Variants in ANO3 observed in about 807,000 individuals in gnomAD.
The protein encoded by ANO3 is anoctamin-3.
Under a neutral mutation model 144.8 loss-of-function variants are expected in ANO3, and 99 were observed. That is an observed-to-expected ratio of 0.68 (90% CI 0.58 to 0.81). The LOEUF (loss-of-function observed/expected upper bound fraction) is 0.81. ANO3 is among the 30% of genes least tolerant of loss of function. The probability of loss-of-function intolerance (pLI) is 0.00; values close to 1 mark genes in which losing one functional copy is unlikely to be tolerated. For synonymous variants in ANO3, 414 were observed against 392.6 expected, an observed-to-expected ratio of 1.05 and a Z score of -0.64; for missense variants, 905 against 1,202.2, an observed-to-expected ratio of 0.75 and a Z score of 3.66.
chr11:26,620,357 C>T lies in ANO3; in HGVS notation c.1837-4105C>T, dbSNP rs185376113. Among the ~76,000 whole-genome samples, 577 of 152,100 alleles carry T rather than the reference C, an allele frequency of 3.8e-3. 11 individuals are homozygous for T. Among genetic ancestry groups the T allele is most frequent in the Admixed American group, 6.6e-3 (101 of 15,288 alleles). ...TAAGAAATATATAGAAACATCAGAA[C>T]AGAAGTACTCTTAGAGTTTGAAAAA... is the stretch of plus-strand genomic sequence containing the variant. On this transcript the variant is annotated intron_variant, in intron 17 of 26. Transcript: ENST00000256737.
At chr11:26,622,869 G>C (rs1210791502) in intron 17 of ANO3, among the ~76,000 whole-genome samples, 1 of 152,206 alleles carries the variant, frequency 6.6e-6, no homozygotes, top group African/African-American at 2.4e-5. Flanking sequence ...TATTGAACTA[G>C]AACTAACTTT....
chr11:26,345,010 C>T (rs1340128572), intron 1 of ANO3, among the ~76,000 whole-genome samples: 1 of 152,032 alleles, frequency 6.6e-6, no homozygotes, highest in Admixed American at 6.6e-5. Context: ...AATACATAGA[C>T]AAGGATATTC....
chr11:26,208,376 G>C (rs899484542), intron 1 of ANO3: 5 of 152,352 alleles, frequency 3.3e-5, no homozygotes, highest in African/African-American at 1.2e-4. Context: ...AGCCGGGCGT[G>C]GTGGCAGGCG....
intron 1 of ANO3, among the ~76,000 whole-genome samples, chr11:26,236,590 G>T (rs1034929273): frequency 2.0e-5 from 3 of 152,108 alleles, no homozygotes; most frequent in Non-Finnish European, 2.9e-5. Flanking sequence ...AGGCCAAGGT[G>T]GGCGGATCAC....
chr11:26,492,133 G>C (rs544361639), intron 4 of ANO3, among the ~76,000 whole-genome samples: 5 of 152,304 alleles, frequency 3.3e-5, no homozygotes, highest in African/African-American at 1.2e-4. Context: ...TAGTTATCTA[G>C]AATTAAAATA....
intron 1 of ANO3, among the ~76,000 whole-genome samples, chr11:26,217,674 A>C (rs1371876060): frequency 6.6e-6 from 1 of 152,094 alleles, no homozygotes; most frequent in Non-Finnish European, 1.5e-5. Context: ...AAGTTGGCAA[A>C]TAGTATATGT....
chr11:26,472,281 G>A (rs531291819), intron 4 of ANO3, among the ~76,000 whole-genome samples: 1 of 151,994 alleles, frequency 6.6e-6, no homozygotes, highest in African/African-American at 2.4e-5. Flanking sequence ...CACTGGATTG[G>A]AAGTTTCAAT....
chr11:26,388,004 A>C (rs1856779354), intron 1 of ANO3, among the ~76,000 whole-genome samples: 1 of 142,610 alleles, frequency 7.0e-6, no homozygotes, highest in South Asian at 2.3e-4. Flanking sequence ...ATGGTCATTT[A>C]TTTTATTCTT....
intron 1 of ANO3, among the ~76,000 whole-genome samples, chr11:26,261,620 T>A (rs1028272471): frequency 6.6e-6 from 1 of 152,180 alleles, no homozygotes; most frequent in East Asian, 1.9e-4. Flanking sequence ...AATGATCCCA[T>A]GCATCACACT....
intron 1 of ANO3, among the ~76,000 whole-genome samples, chr11:26,210,207 T>C (rs11029388): frequency 0.011 from 1,701 of 152,312 alleles, 28 homozygotes; most frequent in African/African-American, 0.039. Flanking sequence ...TGCATATGGC[T>C]AGCCAGTTTT....
intron 1 of ANO3, among the ~76,000 whole-genome samples, chr11:26,295,759 G>A (rs1252718274): frequency 6.6e-6 from 1 of 152,124 alleles, no homozygotes; most frequent in Non-Finnish European, 1.5e-5. Flanking sequence ...TCTGGGTTTT[G>A]TTCTTGCAGA....
At position 26,615,414 on chromosome 11, in the gene ANO3, A is replaced by ATATATATATATATATT. The variant is rs1352935016; in HGVS notation, c.1837-9047_1837-9046insATATATATATATATTT. ...TCAGTTTATATATATATATATATATATTTTTTTTTTTTCAGTTCCTCAATG... is the reference window on the plus strand; with the variant it reads ...TCAGTTTATATATATATATATATATATATATATATATATATTTTTTTTTTTTTTCAGTTCCTCAATG... On this transcript the variant is annotated intron_variant, in intron 17 of 26. Transcript: ENST00000256737. 3.6e-3 allele frequency among the ~76,000 whole-genome samples: 469 copies of ATATATATATATATATT among 130,568 alleles called. 3 individuals carry two copies. The highest frequency in any genetic ancestry group is 0.013 in the African/African-American group (434 of 33,462). The allele number at this position is 130,568 out of a possible 152,430, so 85.7% of individuals were successfully genotyped here. A position where few individuals can be genotyped will look rare whatever the true frequency, so the allele number is the denominator to read the frequency against.
intron 7 of ANO3, among the ~76,000 whole-genome samples, chr11:26,530,169 A>T (rs1849326862): frequency 6.6e-6 from 1 of 152,202 alleles, no homozygotes. Context: ...CTAGAATAAA[A>T]TACCAATTTA....
At chr11:26,560,216 C>G (rs1850233166) in intron 14 of ANO3, 1 of 155,650 alleles carries the variant, frequency 6.4e-6, no homozygotes, top group African/African-American at 2.4e-5. Flanking sequence ...GCAATAATGT[C>G]TAATACATAA....
intron 1 of ANO3, among the ~76,000 whole-genome samples, chr11:26,302,319 A>G (rs1668824681): frequency 6.6e-6 from 1 of 152,018 alleles, no homozygotes; most frequent in African/African-American, 2.4e-5. Context: ...ACACGGTGAA[A>G]CCCCGTCTTT....
intron 1 of ANO3, among the ~76,000 whole-genome samples, chr11:26,406,635 C>T (rs1169806122): frequency 6.7e-6 from 1 of 149,036 alleles, no homozygotes; most frequent in Non-Finnish European, 1.5e-5. Context: ...GGAGATAAAC[C>T]ATTAAGGCAG....
chr11:26,652,111 T>C (rs1035379577), intron 24 of ANO3, among the ~76,000 whole-genome samples: 7 of 152,202 alleles, frequency 4.6e-5, no homozygotes, highest in Admixed American at 1.3e-4. Context: ...CTCCAGACTC[T>C]TTGTCTACTC....
intron 20 of ANO3, among the ~76,000 whole-genome samples, chr11:26,637,478 A>G (rs1364146206): frequency 6.6e-6 from 1 of 152,214 alleles, no homozygotes; most frequent in Non-Finnish European, 1.5e-5. Flanking sequence ...GGCCTTGGGC[A>G]AGTCAGCTTG....
intron 1 of ANO3, among the ~76,000 whole-genome samples, chr11:26,281,966 C>T (rs1007229661): frequency 6.6e-6 from 1 of 152,152 alleles, no homozygotes; most frequent in Non-Finnish European, 1.5e-5. Context: ...TTAAGATCCT[C>T]CCAGGCCAAA....
Sources: gnomAD v4.1 joint callset for allele counts (sites outside exome capture counted in the v4.1 genomes callset) on GRCh38, gnomAD v4.1.1 for gene constraint, MANE v1.5 for transcripts, NCBI Gene and HGNC (gene_info 2026-07-23, HGNC 2026-07-21) for gene names.